Variants in FAM114A2 observed in about 807,000 individuals in gnomAD.
The protein encoded by FAM114A2 is protein FAM114A2.
FAM114A2 carries 53 observed loss-of-function variants against 58.4 expected under a neutral mutation model. That is an observed-to-expected ratio of 0.91 (90% CI 0.73 to 1.14). The LOEUF is 1.14. Ranked by LOEUF, FAM114A2 falls within the 50% of genes most tolerant of loss-of-function variation. FAM114A2 has a pLI of 0.00. For synonymous variants in FAM114A2, 228 were observed against 211.4 expected (o/e 1.08, Z -0.68); for missense variants, 601 against 581.1 (o/e 1.03, Z -0.35).
intron 8 of FAM114A2, among the ~76,000 whole-genome samples, chr5:154,011,952 G>A (rs184639953): frequency 6.6e-6 from 1 of 152,304 alleles, no homozygotes; most frequent in East Asian, 1.9e-4. Flanking sequence ...ATAATCGATG[G>A]TGAAGAATTC....
intron 8 of FAM114A2, among the ~76,000 whole-genome samples, chr5:154,022,476 G>T (rs7702215): frequency 2.0e-4 from 31 of 152,194 alleles, no homozygotes; most frequent in African/African-American, 7.0e-4. Context: ...GTGGGCAAAG[G>T]ATATCAACAG....
At chr5:154,010,181 A>G (rs1333057431) in intron 9 of FAM114A2, among the ~76,000 whole-genome samples, 1 of 152,220 alleles carries the variant, frequency 6.6e-6, no homozygotes, top group East Asian at 1.9e-4. Flanking sequence ...ACAGAGAAAG[A>G]ACACATGTGA....
rs753513098 is a variant in FAM114A2, at chr5:154,027,229, C to T, written c.736G>A (p.Gly246Ser). ...HYGLLFDEFQ[G>S]LSHLEALEML... The stretch of plus-strand genomic sequence containing the variant: ...TCCAGAGCTTCTAGATGTGAAAGGC[C>T]TTGAAATTCATCAAAGAGTAGCCCA... Residue 246 changes from glycine (G) to serine (S), a missense_variant, in exon 7 of 14, where the codon GGC becomes AGC. Physicochemically the swap from Gly to Ser is moderately conservative, Grantham distance 56 (BLOSUM62 0). Transcript: ENST00000351797. The T allele has an allele frequency of 5.6e-6, 9 of 1,613,420 alleles. No homozygotes were observed. The Admixed American group carries it at 8.3e-5, about 15-fold the overall frequency.
intron 11 of FAM114A2, among the ~76,000 whole-genome samples, chr5:153,999,590 G>A (rs998474348): frequency 8.8e-5 from 13 of 148,350 alleles, no homozygotes; most frequent in African/African-American, 2.5e-4. Context: ...ACGAGATTGC[G>A]CCACTGCACT....
intron 11 of FAM114A2, among the ~76,000 whole-genome samples, chr5:153,998,586 G>C (rs1304684613): frequency 6.6e-6 from 1 of 152,200 alleles, no homozygotes; most frequent in Non-Finnish European, 1.5e-5. Flanking sequence ...TTACCATGTT[G>C]TGGAGCAGTA....
rs201738557 is a variant in FAM114A2, at chr5:154,034,352, T to C, written c.236A>G (p.Gln79Arg). The C allele has an allele frequency of 1.9e-6, 3 of 1,594,042 alleles. No individual in the cohort carries two copies. Among genetic ancestry groups the C allele is most frequent in the Non-Finnish European group, 2.6e-6 (3 of 1,169,688 alleles). The change falls in exon 3 of 14, where the codon CAG becomes CGG. Residue 79 changes from glutamine (Q) to arginine (R), a missense_variant. Transcript: ENST00000351797. The stretch of plus-strand genomic sequence containing the variant: ...GCTCCCCCAATAACCCCATCTGGTC[T>C]GGGGTACATCTTTGGAAACATTATC... ...IQDNVSKDVP[Q>R]TRWGYWGSWG...
intron 10 of FAM114A2, 130 bp downstream of exon 10, chr5:154,002,717 A>G: frequency 1.1e-6 from 1 of 927,944 alleles, no homozygotes. Flanking sequence ...TCTGGATCTA[A>G]GATGCTACAA....
At chr5:154,001,607 G>A (rs1207788514) in intron 11 of FAM114A2, among the ~76,000 whole-genome samples, 1 of 152,142 alleles carries the variant, frequency 6.6e-6, no homozygotes, top group Non-Finnish European at 1.5e-5. Flanking sequence ...TGTTTCCAAT[G>A]AAAATTCTCA....
chr5:154,027,289 C>A lies in FAM114A2; in HGVS notation c.676G>T (p.Glu226Ter), dbSNP rs369419993. Residue 226 changes from glutamate (E) to a stop codon, truncating the protein, a stop_gained, in exon 7 of 14, where the codon GAG becomes TAG. Coordinates refer to ENST00000351797, the MANE Select transcript of FAM114A2 (RefSeq NM_018691.4). LOFTEE classifies it high-confidence loss of function. ...TTCTTGTCTGTTTCCACGGTAACCT[C>A]ATTGGAGGTCCGTATCTCTTCTTTC... ...KEKEEIRTSN[E>*]VTVETDKKTH... 25 of 1,613,602 alleles carry A rather than the reference C, an allele frequency of 1.5e-5. No homozygotes were observed. The highest frequency in any genetic ancestry group is 2.0e-5 in the Non-Finnish European group (24 of 1,179,732).
chr5:154,029,569 C>T lies in FAM114A2; in HGVS notation c.415G>A (p.Ala139Thr), dbSNP rs775270785. The change falls in exon 5 of 14, where the codon GCC (alanine) becomes ACC (threonine). Residue 139 changes from alanine (A) to threonine (T), a missense_variant. Transcript: ENST00000351797. ...EVKYVAGETNAKENENSSPVA... is the reference protein window; with the variant it reads ...EVKYVAGETNTKENENSSPVA... ...GGGGAGGAGTTTTCATTCTCTTTGG[C>T]ATTTGTCTCTCCTACAAGAGGGAGG... 3 of 1,601,950 alleles carry T rather than the reference C, an allele frequency of 1.9e-6. No individual in the cohort carries two copies. In the East Asian group the frequency reaches 6.7e-5, roughly 36 times the overall value.
rs768052817 is a variant in FAM114A2, at chr5:153,994,944, G to A, written c.1358C>T (p.Pro453Leu). The A allele has an allele frequency of 3.7e-6, 6 of 1,608,664 alleles. No homozygotes were observed. The highest frequency in any genetic ancestry group is 5.1e-6 in the Non-Finnish European group (6 of 1,175,388). ...GVKEMADVLN[P>L]LITAVFLEAS... ...CTCTAGAAATACTGCAGTGATTAAT[G>A]GGTTAAGGACATCTGCCATTTCTTT... The change falls in exon 13 of 14, where the codon CCA becomes CTA. Residue 453 changes from proline to leucine, a missense_variant. Coordinates refer to ENST00000351797, the MANE Select transcript of FAM114A2 (RefSeq NM_018691.4).
chr5:154,012,431 AC>A (rs1320087511), intron 8 of FAM114A2, among the ~76,000 whole-genome samples: 1 of 152,224 alleles, frequency 6.6e-6, no homozygotes, highest in Non-Finnish European at 1.5e-5. Flanking sequence ...CTTCTCTGCA[AC>A]ATGGAATGCA....
At position 153,990,222 on chromosome 5, in the gene FAM114A2, C is replaced by T. The variant is rs1269330652; in HGVS notation, c.*2754G>A. 3.9e-5 allele frequency: 6 copies of T among 152,166 alleles called. 1 individual carries two copies. The highest frequency in any genetic ancestry group is 1.5e-5 in the Non-Finnish European group (1 of 68,024). The allele number at this position is 152,166 out of a possible 1,614,324, so 9.4% of individuals were successfully genotyped here. A position where few individuals can be genotyped will look rare whatever the true frequency, so the allele number is the denominator to read the frequency against. On this transcript the variant is annotated 3_prime_UTR_variant, in exon 14 of 14. Coordinates refer to ENST00000351797, the MANE Select transcript of FAM114A2 (RefSeq NM_018691.4). Reference sequence around the variant, plus strand: ...GAATTCAGGTTTAAAATTCAGAACACCTCTAGAAATACAGAAAAATGTCTA... The same window carrying T: ...GAATTCAGGTTTAAAATTCAGAACATCTCTAGAAATACAGAAAAATGTCTA...
rs1201779629 is a variant in FAM114A2, at chr5:154,002,985, A to G, written c.994-16T>C. 1.9e-6 allele frequency: 3 copies of G among 1,612,942 alleles called. No homozygotes were observed. Among genetic ancestry groups the G allele is most frequent in the Non-Finnish European group, 2.5e-6 (3 of 1,179,268 alleles). ...TATTTCTTGCCTAAATAAGAAAAAT[A>G]TTGGCCATCAACAATTCAATTCAGT... On this transcript the variant is annotated splice_polypyrimidine_tract_variant and intron_variant, in intron 9 of 13. Coordinates refer to ENST00000351797, the MANE Select transcript of FAM114A2 (RefSeq NM_018691.4).
chr5:154,015,843 CA>C (rs1771004419), intron 8 of FAM114A2, among the ~76,000 whole-genome samples: 2 of 151,886 alleles, frequency 1.3e-5, no homozygotes, highest in Admixed American at 1.3e-4. Context: ...CACAGAAAGG[CA>C]AAGCCCAATT....
chr5:154,034,688 A>C, intron 2 of FAM114A2, 56 bp downstream of exon 2: 6 of 1,311,252 alleles, frequency 4.6e-6, no homozygotes, highest in Non-Finnish European at 6.6e-6. Context: ...TAGCCCCAAC[A>C]TTTTTTAATC....
At chr5:154,013,865 A>T (rs1770857264) in intron 8 of FAM114A2, among the ~76,000 whole-genome samples, 1 of 152,254 alleles carries the variant, frequency 6.6e-6, no homozygotes, top group Non-Finnish European at 1.5e-5. Context: ...TAATGAAAGT[A>T]ATAACAGCTA....
At chr5:154,026,138 G>A (rs189716550) in intron 8 of FAM114A2, among the ~76,000 whole-genome samples, 1 of 152,280 alleles carries the variant, frequency 6.6e-6, no homozygotes, top group East Asian at 1.9e-4. Flanking sequence ...GATGTGAGTT[G>A]CAAGATTAGA....
Position 154,002,846 on chromosome 5 carries a change from C to A in FAM114A2, c.1116+1G>T. The A allele has an allele frequency of 6.2e-7, 1 of 1,613,998 alleles. No individual in the cohort carries two copies. Among genetic ancestry groups the A allele is most frequent in the Non-Finnish European group, 8.5e-7 (1 of 1,179,940 alleles). On this transcript the variant is annotated splice_donor_variant, in intron 10 of 13. Transcript: ENST00000351797. LOFTEE classifies it high-confidence loss of function. ...AAAAAAGGCTTAGTTGCTTTGGCTA[C>A]CTCTATTGAATTTTTGTTGACTTGC...
Sources: allele counts gnomAD v4.1 joint callset (sites outside exome capture counted in the v4.1 genomes callset), GRCh38; gene constraint gnomAD v4.1.1; transcripts MANE v1.5; gene names NCBI Gene and HGNC (gene_info 2026-07-23, HGNC 2026-07-21).